FBH1: variants seen among roughly 807,000 people sequenced by gnomAD.
FBH1 encodes F-box DNA helicase 1, also known as DNA 3'-5' helicase 1.
A neutral mutation model predicts 115.5 loss-of-function variants in FBH1; 43 were observed. That is an observed-to-expected ratio of 0.37 (90% CI 0.29 to 0.48). The LOEUF (loss-of-function observed/expected upper bound fraction) is 0.48. Among genes scored for constraint, FBH1 ranks in the 20% least tolerant of loss-of-function variants. The pLI is 0.99. For synonymous variants in FBH1, 524 were observed against 507.8 expected (o/e 1.03, Z -0.43); for missense variants, 1,001 against 1,337.3 (o/e 0.75, Z 3.92).
intron 2 of FBH1, among the ~76,000 whole-genome samples, chr10:5,905,786 A>C (rs1367924424): frequency 6.6e-6 from 1 of 152,142 alleles, no homozygotes; most frequent in East Asian, 1.9e-4. Context: ...TGCAGGGAGT[A>C]TTGCTGGCCA....
rs1832316479 is a variant in FBH1, at chr10:5,921,564, A to G, written c.2317A>G (p.Ile773Val). 6.3e-7 allele frequency: 1 copy of G among 1,594,746 alleles called. No individual in the cohort carries two copies. The highest frequency in any genetic ancestry group is 1.1e-5 in the South Asian group (1 of 87,032). ...GGAATTCCCTTCAAGGATACATTTGATTGGGGTAAGAGTACATTTCTGTTG... is the reference window on the plus strand; with the variant it reads ...GGAATTCCCTTCAAGGATACATTTGGTTGGGGTAAGAGTACATTTCTGTTG... The part of the protein sequence containing the change: ...EGEFPSRIHL[I>V]GGIKSFGLDR... Residue 773 changes from isoleucine (I) to valine (V), a missense_variant, in exon 15 of 21, where the codon ATT (isoleucine) becomes GTT (valine). Transcript: ENST00000362091. The surrounding 1 kb of genome is among the most constrained non-coding windows in gnomAD (Gnocchi z 6.4).
Position 5,915,723 on chromosome 10 carries a change from G to GTTTT in FBH1, c.1565+155_1565+156insTTTT. ...TTACAGGCAGGAAACAAATACATAG[G>GTTTT]TTTAGCCATTTGTACTTTTATCCTG... On this transcript the variant is annotated intron_variant, in intron 9 of 20. Transcript: ENST00000362091. This position sits in a 1 kb window ranked among gnomAD's most constrained non-coding sequence, Gnocchi z 5.2. 1 of 665,056 alleles carries GTTTT rather than the reference G, an allele frequency of 1.5e-6. No homozygotes were observed. Among genetic ancestry groups the GTTTT allele is most frequent in the South Asian group, 1.9e-5 (1 of 51,698 alleles). 41.2% of individuals were successfully genotyped at this position (665,056 alleles called of 1,614,324 possible). A position where few individuals can be genotyped will look rare whatever the true frequency, so the allele number is the denominator to read the frequency against.
Position 5,917,684 on chromosome 10 carries a change from A to G in FBH1, c.1963+8A>G, listed in dbSNP as rs200434133. The G allele has an allele frequency of 1.6e-5, 25 of 1,607,710 alleles. No individual in the cohort carries two copies. The highest frequency in any genetic ancestry group is 1.7e-5 in the Non-Finnish European group (20 of 1,174,852). On this transcript the variant is annotated splice_region_variant and intron_variant, in intron 12 of 20. Coordinates refer to ENST00000362091, the MANE Select transcript of FBH1 (RefSeq NM_178150.3). This position sits in a 1 kb window ranked among gnomAD's most constrained non-coding sequence, Gnocchi z 5.6. ...CCCAGGACTGCACACCAGGTGATACACTGTTCAGGACATCAGTAGTGTCAA... is the reference window on the plus strand; with the variant it reads ...CCCAGGACTGCACACCAGGTGATACGCTGTTCAGGACATCAGTAGTGTCAA...
Position 5,906,878 on chromosome 10 carries a change from A to G in FBH1, c.753+246A>G, listed in dbSNP as rs908945790. On this transcript the variant is annotated intron_variant, in intron 3 of 20. Coordinates refer to ENST00000362091, the MANE Select transcript of FBH1 (RefSeq NM_178150.3). This position sits in a 1 kb window ranked among gnomAD's most constrained non-coding sequence, Gnocchi z 7.3. ...ACAGCTCATCTGCTGTGCCCTGACCACAGACTGCACATTCCTTCCCCTCCC... is the reference window on the plus strand; with the variant it reads ...ACAGCTCATCTGCTGTGCCCTGACCGCAGACTGCACATTCCTTCCCCTCCC... Among the ~76,000 whole-genome samples, 1 of 151,476 alleles carries G rather than the reference A, an allele frequency of 6.6e-6. No individual in the cohort carries two copies. The highest frequency in any genetic ancestry group is 6.6e-5 in the Admixed American group (1 of 15,230).
chr10:5,890,264 C>T lies in FBH1; in HGVS notation c.-82C>T. On this transcript the variant is annotated 5_prime_UTR_variant, in exon 1 of 21. Transcript: ENST00000362091. ...CCAGGTCCCGGCCAGAGGAGGAGCTCGCTGCCGGGGGACGCTGGGCTGAGC... is the reference window on the plus strand; with the variant it reads ...CCAGGTCCCGGCCAGAGGAGGAGCTTGCTGCCGGGGGACGCTGGGCTGAGC... The T allele has an allele frequency of 2.7e-6, 1 of 367,214 alleles. No homozygotes were observed. The highest frequency in any genetic ancestry group is 5.1e-6 in the Non-Finnish European group (1 of 196,352). The allele number at this position is 367,214 out of a possible 1,614,324, so 22.7% of individuals were successfully genotyped here.
chr10:5,892,625 ATAACT>A (rs886482032), intron 1 of FBH1, among the ~76,000 whole-genome samples: 3 of 152,246 alleles, frequency 2.0e-5, no homozygotes, highest in Non-Finnish European at 2.9e-5. Flanking sequence ...TATTCCACAG[ATAACT>A]TAAAGCCAGA....
In FBH1 at chr10:5,923,585, C is replaced by CA. The variant is rs770373264; in HGVS notation, c.2323-29dup. 1.3e-5 allele frequency: 20 copies of CA among 1,569,656 alleles called. No homozygotes were observed. The highest frequency in any genetic ancestry group is 2.7e-5 in the African/African-American group (2 of 73,114). On this transcript the variant is annotated intron_variant, in intron 15 of 20. Transcript: ENST00000362091. The surrounding 1 kb of genome is among the most constrained non-coding windows in gnomAD (Gnocchi z 5.7). ...ACAAACAAAACAAAACAAAAAACAA[C>CA]AAAAAAACAAAAATCCCACCAAAAA...
chr10:5,930,413 C>T (rs925549014), intron 19 of FBH1, among the ~76,000 whole-genome samples: 3 of 152,230 alleles, frequency 2.0e-5, no homozygotes, highest in Non-Finnish European at 2.9e-5. Context: ...TCCTACAGAG[C>T]GTCCCCATTC....
chr10:5,926,795 C>T (rs1241813158), intron 18 of FBH1, among the ~76,000 whole-genome samples: 1 of 152,232 alleles, frequency 6.6e-6, no homozygotes, highest in African/African-American at 2.4e-5. Flanking sequence ...CCAAAGTGTA[C>T]AATTCAGCAG....
At position 5,931,268 on chromosome 10, in the gene FBH1, C is replaced by T. The variant is rs749328649; in HGVS notation, c.2829+3727C>T. Among the ~76,000 whole-genome samples, 1 of 152,180 alleles carries T rather than the reference C, an allele frequency of 6.6e-6. No homozygotes were observed. Among genetic ancestry groups the T allele is most frequent in the Non-Finnish European group, 1.5e-5 (1 of 68,034 alleles). ...AGATACGCATTACCTTGCTTTGTTG[C>T]ACAACGGCACCTTTTTCTTTTTTCT... On this transcript the variant is annotated intron_variant, in intron 19 of 20. Coordinates refer to ENST00000362091, the MANE Select transcript of FBH1 (RefSeq NM_178150.3). This position sits in a 1 kb window ranked among gnomAD's most constrained non-coding sequence, Gnocchi z 4.3.
chr10:5,912,361 TAA>T (rs34703842), intron 6 of FBH1, among the ~76,000 whole-genome samples: 13 of 138,358 alleles, frequency 9.4e-5, no homozygotes, highest in Admixed American at 2.2e-4. Flanking sequence ...AGGCTCTGTC[TAA>T]AAAAAAAAAA....
At chr10:5,892,391 A>G (rs1842785402) in intron 1 of FBH1, among the ~76,000 whole-genome samples, 1 of 152,122 alleles carries the variant, frequency 6.6e-6, no homozygotes, top group African/African-American at 2.4e-5. Flanking sequence ...TAGAATTCTA[A>G]TTTTGGGTTT....
chr10:5,895,299 A>C lies in FBH1; in HGVS notation c.1+4953A>C. The C allele has an allele frequency of 8.5e-7, 1 of 1,179,554 alleles. No individual in the cohort carries two copies. Among genetic ancestry groups the C allele is most frequent in the Non-Finnish European group, 1.1e-6 (1 of 871,082 alleles). 73.1% of individuals were successfully genotyped at this position (1,179,554 alleles called of 1,614,324 possible). On this transcript the variant is annotated intron_variant, in intron 1 of 20. Transcript: ENST00000362091. This position sits in a 1 kb window ranked among gnomAD's most constrained non-coding sequence, Gnocchi z 5.0. ...TTAAAGTTGGGTATGGTATTGTAGC[A>C]GTTTCTCCAGTCAGGTACCTTGTAC...
Position 5,917,748 on chromosome 10 carries a change from C to T in FBH1, c.1963+72C>T. 9.1e-7 allele frequency: 1 copy of T among 1,097,946 alleles called. No homozygotes were observed. Among genetic ancestry groups the T allele is most frequent in the Non-Finnish European group, 1.4e-6 (1 of 732,628 alleles). 68.0% of individuals were successfully genotyped at this position (1,097,946 alleles called of 1,614,324 possible). A position where few individuals can be genotyped will look rare whatever the true frequency, so the allele number is the denominator to read the frequency against. ...GCGCCATGATTATGTAAGAGGACAC[C>T]TGTGTGAACTAAGTTGATTATTATT... On this transcript the variant is annotated intron_variant, in intron 12 of 20. Coordinates refer to ENST00000362091, the MANE Select transcript of FBH1 (RefSeq NM_178150.3). This position sits in a 1 kb window ranked among gnomAD's most constrained non-coding sequence, Gnocchi z 5.6.
At position 5,925,419 on chromosome 10, in the gene FBH1, G is replaced by T. The variant is rs957976118; in HGVS notation, c.2649G>T (p.Val883=). ...CCAAAGGCCTGGAGTTTGACACTGT[G>T]CATGTTTTGGATGATTTTGTGAAAG... ...HKAKGLEFDT[V]HVLDDFVKVP... is the part of the protein sequence containing the mutation. The change falls in exon 18 of 21, where the codon GTG becomes GTT. Residue 883 remains valine, a synonymous_variant. Coordinates refer to ENST00000362091, the MANE Select transcript of FBH1 (RefSeq NM_178150.3). The surrounding 1 kb of genome is among the most constrained non-coding windows in gnomAD (Gnocchi z 4.6). The T allele has an allele frequency of 2.3e-5, 37 of 1,614,082 alleles. No homozygotes were observed. Among genetic ancestry groups the T allele is most frequent in the Non-Finnish European group, 3.1e-5 (37 of 1,180,058 alleles).
Position 5,906,717 on chromosome 10 carries a change from C to T in FBH1, c.753+85C>T. 2 of 1,192,402 alleles carry T rather than the reference C, an allele frequency of 1.7e-6. No individual in the cohort carries two copies. Among genetic ancestry groups the T allele is most frequent in the Non-Finnish European group, 2.3e-6 (2 of 851,352 alleles). 73.9% of individuals were successfully genotyped at this position (1,192,402 alleles called of 1,614,324 possible). A position where few individuals can be genotyped will look rare whatever the true frequency, so the allele number is the denominator to read the frequency against. ...CACGCTTATAATCAGAGGATCTTTT[C>T]AGAAATGGTTTCCATTTGCCTTCAG... is the stretch of plus-strand genomic sequence containing the variant. On this transcript the variant is annotated intron_variant, in intron 3 of 20. Coordinates refer to ENST00000362091, the MANE Select transcript of FBH1 (RefSeq NM_178150.3). This position sits in a 1 kb window ranked among gnomAD's most constrained non-coding sequence, Gnocchi z 7.3.
Position 5,909,455 on chromosome 10 carries a change from GA to G in FBH1, c.1020+164del. 1.3e-6 allele frequency: 1 copy of G among 773,866 alleles called. No individual in the cohort carries two copies. Among genetic ancestry groups the G allele is most frequent in the Non-Finnish European group, 2.0e-6 (1 of 507,784 alleles). 47.9% of individuals were successfully genotyped at this position (773,866 alleles called of 1,614,324 possible). A position where few individuals can be genotyped will look rare whatever the true frequency, so the allele number is the denominator to read the frequency against. Reference sequence around the variant, plus strand: ...TCATGTTGTCATTGTCCCCAGTGGAGAAATAAAAGGCCATATAATTGTAGAG... The same window carrying G: ...TCATGTTGTCATTGTCCCCAGTGGAGAATAAAAGGCCATATAATTGTAGAG... On this transcript the variant is annotated intron_variant, in intron 5 of 20. Transcript: ENST00000362091. The surrounding 1 kb of genome is among the most constrained non-coding windows in gnomAD (Gnocchi z 4.4).
chr10:5,898,459 G>A (rs1157705499), intron 1 of FBH1, among the ~76,000 whole-genome samples: 1 of 149,616 alleles, frequency 6.7e-6, no homozygotes, highest in Non-Finnish European at 1.5e-5. Flanking sequence ...TGTCCAGGCT[G>A]GAGTGCAGTG....
chr10:5,897,424 C>G lies in FBH1; in HGVS notation c.2-5596C>G, dbSNP rs1843075641. 6.6e-6 allele frequency among the ~76,000 whole-genome samples: 1 copy of G among 151,906 alleles called. No homozygotes were observed. The highest frequency in any genetic ancestry group is 1.5e-5 in the Non-Finnish European group (1 of 67,906). ...GGAGGTGGACACAGGGCTCCTGGCTCCCAGTTCAGAGCATCACAGCACCTC... is the reference window on the plus strand; with the variant it reads ...GGAGGTGGACACAGGGCTCCTGGCTGCCAGTTCAGAGCATCACAGCACCTC... On this transcript the variant is annotated intron_variant, in intron 1 of 20. Coordinates refer to ENST00000362091, the MANE Select transcript of FBH1 (RefSeq NM_178150.3). This position sits in a 1 kb window ranked among gnomAD's most constrained non-coding sequence, Gnocchi z 4.7.
Sources: gnomAD v4.1 joint callset for allele counts (sites outside exome capture counted in the v4.1 genomes callset) on GRCh38, gnomAD v4.1.1 for gene constraint, Gnocchi (gnomAD v3.1) non-coding constraint, MANE v1.5 for transcripts, NCBI Gene and HGNC (gene_info 2026-07-23, HGNC 2026-07-21) for gene names.